Variants in DPH6 observed in about 807,000 individuals in gnomAD.
DPH6 encodes diphthamine biosynthesis 6.
Under a neutral mutation model 38.2 loss-of-function variants are expected in DPH6, and 33 were observed. The ratio of observed to expected loss-of-function variants is 0.86; its 90% CI spans 0.65 to 1.15. The LOEUF (loss-of-function observed/expected upper bound fraction) is 1.15, where lower values mean the gene tolerates loss of function less well. DPH6 is among the 50% of genes most tolerant of loss of function. The pLI is 0.00. For synonymous variants in DPH6, 108 were observed against 103.0 expected, an observed-to-expected ratio of 1.05 and a Z score of -0.30; for missense variants, 325 against 320.0, an observed-to-expected ratio of 1.02 and a Z score of -0.12.
intron 5 of DPH6, among the ~76,000 whole-genome samples, chr15:35,446,109 G>A (rs2053848725): frequency 1.3e-5 from 2 of 152,068 alleles, no homozygotes; most frequent in South Asian, 4.1e-4. Flanking sequence ...ATCAAGATCT[G>A]CAGCTGTGGT....
chr15:35,422,399 G>A (rs8038618), intron 5 of DPH6, among the ~76,000 whole-genome samples: 51,106 of 151,644 alleles, frequency 0.34, 10,169 homozygotes, highest in African/African-American at 0.56. Flanking sequence ...AATCTGGTCT[G>A]GTCATTTTCT....
chr15:35,296,945 C>T (rs201678210), intron 3 of DPH6, among the ~76,000 whole-genome samples: 2 of 126,886 alleles, frequency 1.6e-5, no homozygotes, highest in African/African-American at 4.3e-5. Flanking sequence ...GCTGGGACTA[C>T]AGCTGATGGC....
intron 3 of DPH6, among the ~76,000 whole-genome samples, chr15:35,293,522 T>C (rs2051993508): frequency 6.6e-6 from 1 of 152,192 alleles, no homozygotes; most frequent in Non-Finnish European, 1.5e-5. Flanking sequence ...AAGGGCACCA[T>C]TTAGTAAATT....
chr15:35,438,976 G>A (rs1317280986), intron 5 of DPH6, among the ~76,000 whole-genome samples: 1 of 152,170 alleles, frequency 6.6e-6, no homozygotes, highest in Non-Finnish European at 1.5e-5. Context: ...AGATTCAAAA[G>A]GGTATTATAT....
intron 3 of DPH6, among the ~76,000 whole-genome samples, chr15:35,488,364 A>G (rs2054432372): frequency 6.6e-6 from 1 of 152,322 alleles, no homozygotes; most frequent in Admixed American, 6.5e-5. Flanking sequence ...ATGAAAAACT[A>G]CATAAGACAT....
chr15:35,251,730 C>G (rs2051675771), intron 3 of DPH6, among the ~76,000 whole-genome samples: 1 of 152,354 alleles, frequency 6.6e-6, no homozygotes, highest in Admixed American at 6.5e-5. Context: ...CAAACTCTAA[C>G]CTAATGCCTT....
chr15:35,416,200 G>A (rs919572473), intron 5 of DPH6, among the ~76,000 whole-genome samples: 1 of 151,958 alleles, frequency 6.6e-6, no homozygotes, highest in Admixed American at 6.6e-5. Flanking sequence ...GCGTTGGGCC[G>A]CATTCAAAGC....
chr15:35,413,697 T>A (rs1273758528), intron 5 of DPH6, among the ~76,000 whole-genome samples: 1 of 151,666 alleles, frequency 6.6e-6, no homozygotes, highest in Non-Finnish European at 1.5e-5. Context: ...TATAATTGGA[T>A]TTCTTTTGTT....
Position 35,538,266 on chromosome 15 carries a change from C to A in DPH6, c.312+8G>T. ...AATCCAATATACTTAATTGGTTACT[C>A]TGCATACCTTAACAAGTTTCAAAAG... is the stretch of plus-strand genomic sequence containing the variant. On this transcript the variant is annotated splice_region_variant and intron_variant, in intron 3 of 8. Transcript: ENST00000256538. 1 of 1,516,798 alleles carries A rather than the reference C, an allele frequency of 6.6e-7. No individual in the cohort carries two copies. The highest frequency in any genetic ancestry group is 1.4e-5 in the African/African-American group (1 of 73,570). 94.0% of individuals were successfully genotyped at this position (1,516,798 alleles called of 1,614,324 possible). A position where few individuals can be genotyped will look rare whatever the true frequency, so the allele number is the denominator to read the frequency against.
At chr15:35,298,750 C>T (rs919717485) in intron 3 of DPH6, 1 of 1,522,422 alleles carries the variant, frequency 6.6e-7, no homozygotes. Flanking sequence ...CCGTGCCCCC[C>T]AAGTTAGCGA....
At chr15:35,451,956 G>A (rs967382605) in intron 4 of DPH6, among the ~76,000 whole-genome samples, 2 of 152,192 alleles carry the variant, frequency 1.3e-5, no homozygotes, top group Non-Finnish European at 2.9e-5. Flanking sequence ...CTTGCCGTAA[G>A]CCGAGATTGC....
the DPH6 span, among the ~76,000 whole-genome samples, chr15:35,180,132 TTC>T: frequency 6.6e-6 from 1 of 152,078 alleles, no homozygotes; most frequent in Admixed American, 6.6e-5. Context: ...TGACTGTCAT[TTC>T]TCTGTTTGTA....
intron 3 of DPH6, among the ~76,000 whole-genome samples, chr15:35,337,923 C>A (rs968593949): frequency 6.6e-5 from 10 of 151,880 alleles, no homozygotes; most frequent in Non-Finnish European, 7.4e-5. Flanking sequence ...GAAAAACAAG[C>A]AATGGGGAAA....
At chr15:35,509,777 C>T (rs2054742621) in intron 3 of DPH6, among the ~76,000 whole-genome samples, 1 of 152,180 alleles carries the variant, frequency 6.6e-6, no homozygotes, top group African/African-American at 2.4e-5. Context: ...AAGCATAGTG[C>T]TTAAGCAAGG....
chr15:35,350,368 G>A (rs1219602795), intron 3 of DPH6, among the ~76,000 whole-genome samples: 1 of 124,614 alleles, frequency 8.0e-6, no homozygotes, highest in African/African-American at 3.2e-5. Flanking sequence ...TGCTTTTATT[G>A]ATCTTTTCAA....
At chr15:35,355,458 G>A (rs1437109074) in intron 3 of DPH6, among the ~76,000 whole-genome samples, 1 of 152,162 alleles carries the variant, frequency 6.6e-6, no homozygotes, top group African/African-American at 2.4e-5. Flanking sequence ...GCTTCCTTCA[G>A]GAGCTCTTTT....
At chr15:35,256,155 T>G (rs2051706892) in intron 3 of DPH6, among the ~76,000 whole-genome samples, 1 of 152,182 alleles carries the variant, frequency 6.6e-6, no homozygotes, top group Non-Finnish European at 1.5e-5. Flanking sequence ...TTGTCATAAC[T>G]AATAAGGCAA....
chr15:35,535,473 C>G (rs1384728890), intron 3 of DPH6, among the ~76,000 whole-genome samples: 1 of 152,052 alleles, frequency 6.6e-6, no homozygotes, highest in Admixed American at 6.6e-5. Flanking sequence ...GACATCAGAT[C>G]CAGAAAGTAG....
chr15:35,436,513 A>C lies in DPH6; in HGVS notation c.505+14172T>G, dbSNP rs536087195. On this transcript the variant is annotated intron_variant, in intron 5 of 8. Coordinates refer to ENST00000256538, the MANE Select transcript of DPH6 (RefSeq NM_080650.4). Reference sequence around the variant, plus strand: ...ACAAAACAAAACAAAACAAAACAAAACAAAAAAGGTTCTCTCCCTGTTCGT... The same window carrying C: ...ACAAAACAAAACAAAACAAAACAAACCAAAAAAGGTTCTCTCCCTGTTCGT... Among the ~76,000 whole-genome samples, 7 of 138,002 alleles carry C rather than the reference A, an allele frequency of 5.1e-5. No homozygotes were observed. The East Asian group carries it at 6.3e-4, about 13-fold the overall frequency. 90.5% of individuals were successfully genotyped at this position (138,002 alleles called of 152,430 possible). A position where few individuals can be genotyped will look rare whatever the true frequency, so the allele number is the denominator to read the frequency against.
Sources: allele counts gnomAD v4.1 joint callset (sites outside exome capture counted in the v4.1 genomes callset), GRCh38; gene constraint gnomAD v4.1.1; transcripts MANE v1.5; gene names NCBI Gene and HGNC (gene_info 2026-07-23, HGNC 2026-07-21).